The following UBE2R2 variants were observed in gnomAD, a reference collection of about 807,000 sequenced individuals.
UBE2R2 encodes ubiquitin conjugating enzyme E2 R2.
UBE2R2 carries 1 observed loss-of-function variant against 27.8 expected under a neutral mutation model. That is an observed-to-expected ratio of 0.04 (90% CI 0.01 to 0.17). UBE2R2 has a LOEUF of 0.17. UBE2R2 is among the 10% of genes least tolerant of loss of function. The pLI, the probability that UBE2R2 is intolerant of heterozygous loss-of-function variation, is 1.00. For missense variants in UBE2R2, 100 were observed against 291.0 expected (o/e 0.34, Z 4.78); for synonymous variants, 106 against 113.3 (o/e 0.94, Z 0.41).
intron 1 of UBE2R2, among the ~76,000 whole-genome samples, chr9:33,877,367 A>G (rs1821628589): frequency 6.6e-6 from 1 of 151,828 alleles, no homozygotes. Flanking sequence ...TGTTTTTAGT[A>G]GAGATGGGGT....
intron 1 of UBE2R2, among the ~76,000 whole-genome samples, chr9:33,848,143 T>G (rs1019756562): frequency 1.3e-5 from 2 of 152,208 alleles, no homozygotes; most frequent in Non-Finnish European, 2.9e-5. Context: ...CAGGTTTAAA[T>G]TTTTAAAATA....
At chr9:33,824,345 A>G (rs1282495537) in intron 1 of UBE2R2, among the ~76,000 whole-genome samples, 2 of 150,704 alleles carry the variant, frequency 1.3e-5, no homozygotes, top group African/African-American at 4.9e-5. Flanking sequence ...TACACAAATT[A>G]GCTGGTGTGG....
At position 33,886,864 on chromosome 9, in the gene UBE2R2, A is replaced by AT. The variant is rs770387182; in HGVS notation, c.178-9dup. 13 of 1,564,680 alleles carry AT rather than the reference A, an allele frequency of 8.3e-6. No homozygotes were observed. Among genetic ancestry groups the AT allele is most frequent in the South Asian group, 2.4e-5 (2 of 83,774 alleles). On this transcript the variant is annotated splice_polypyrimidine_tract_variant and intron_variant, in intron 1 of 4. Coordinates refer to ENST00000263228, the MANE Select transcript of UBE2R2 (RefSeq NM_017811.4). ...TTATAGTCTCATTTATTAGCATTTC[A>AT]TTTTTTTTCTTTTCAGGCGCATATT...
Position 33,827,854 on chromosome 9 carries a change from T to C in UBE2R2, c.177+9920T>C, listed in dbSNP as rs1175048817. The stretch of plus-strand genomic sequence containing the variant: ...GGCATGGTGGCACATGCCTGTAATC[T>C]CAGCTACTCAAGAGGCTGAGGCGGG... On this transcript the variant is annotated intron_variant, in intron 1 of 4. Transcript: ENST00000263228. Among the ~76,000 whole-genome samples, 14 of 149,294 alleles carry C rather than the reference T, an allele frequency of 9.4e-5. No individual in the cohort carries two copies. The Admixed American group carries it at 9.4e-4, about 10-fold the overall frequency.
intron 1 of UBE2R2, among the ~76,000 whole-genome samples, chr9:33,819,596 C>G (rs981636109): frequency 6.6e-6 from 1 of 151,794 alleles, no homozygotes; most frequent in Non-Finnish European, 1.5e-5. Context: ...AATTTTTATG[C>G]ATACTGGAAA....
At chr9:33,820,364 T>A (rs752999454) in intron 1 of UBE2R2, among the ~76,000 whole-genome samples, 7 of 152,232 alleles carry the variant, frequency 4.6e-5, no homozygotes, top group Non-Finnish European at 1.0e-4. Context: ...AATTCTGACA[T>A]GTATGAAAAT....
chr9:33,862,346 C>T (rs980820165), intron 1 of UBE2R2, among the ~76,000 whole-genome samples: 1 of 152,148 alleles, frequency 6.6e-6, no homozygotes, highest in Non-Finnish European at 1.5e-5. Context: ...ATATCCAGAA[C>T]TTCTTTCGTT....
intron 1 of UBE2R2, among the ~76,000 whole-genome samples, chr9:33,872,118 G>A (rs1272421530): frequency 6.6e-6 from 1 of 151,866 alleles, no homozygotes; most frequent in Non-Finnish European, 1.5e-5. Flanking sequence ...TGGGCATGGT[G>A]GCTCAAGCTG....
At chr9:33,863,643 A>T (rs1170547837) in intron 1 of UBE2R2, among the ~76,000 whole-genome samples, 2 of 152,154 alleles carry the variant, frequency 1.3e-5, no homozygotes, top group Non-Finnish European at 2.9e-5. Context: ...ACTTATATTA[A>T]GGACATTCTA....
At chr9:33,818,071 C>T (rs1825856035) in intron 1 of UBE2R2, 137 bp downstream of exon 1, 1 of 1,005,254 alleles carries the variant, frequency 9.9e-7, no homozygotes, top group East Asian at 3.4e-5. Flanking sequence ...CCCCCTCCCC[C>T]ATCCCTGGAG....
At chr9:33,855,465 T>G (rs1311673650) in intron 1 of UBE2R2, among the ~76,000 whole-genome samples, 4 of 152,220 alleles carry the variant, frequency 2.6e-5, no homozygotes, top group Non-Finnish European at 5.9e-5. Flanking sequence ...GTTCATGAGT[T>G]TGTTTTTCCT....
chr9:33,887,084 T>A, intron 2 of UBE2R2, 117 bp downstream of exon 2: 2 of 824,212 alleles, frequency 2.4e-6, no homozygotes, highest in Non-Finnish European at 3.8e-6. Flanking sequence ...AGAGAAATAT[T>A]AATGATTTTG....
intron 1 of UBE2R2, among the ~76,000 whole-genome samples, chr9:33,848,390 A>G (rs182498379): frequency 5.3e-5 from 8 of 152,216 alleles, no homozygotes; most frequent in Admixed American, 3.9e-4. Context: ...GACTTTGCAT[A>G]CAAAATAATC....
intron 1 of UBE2R2, among the ~76,000 whole-genome samples, chr9:33,822,157 T>A (rs1010199546): frequency 6.6e-6 from 1 of 151,162 alleles, no homozygotes; most frequent in African/African-American, 2.4e-5. Context: ...AGTGGAGCGA[T>A]CTCGGCTCAC....
chr9:33,913,650 G>A (rs1316564303), intron 4 of UBE2R2, among the ~76,000 whole-genome samples: 3 of 152,198 alleles, frequency 2.0e-5, no homozygotes, highest in African/African-American at 2.4e-5. Flanking sequence ...AGTTGACTAA[G>A]CATTGGCATT....
At chr9:33,822,727 A>G (rs1432612051) in intron 1 of UBE2R2, among the ~76,000 whole-genome samples, 1 of 149,306 alleles carries the variant, frequency 6.7e-6, no homozygotes, top group Non-Finnish European at 1.5e-5. Flanking sequence ...ACCCAGCCAA[A>G]TAATTTTTTT....
chr9:33,857,662 T>TTTAGTTA (rs1821139577), intron 1 of UBE2R2, among the ~76,000 whole-genome samples: 4 of 152,244 alleles, frequency 2.6e-5, no homozygotes, highest in Non-Finnish European at 4.4e-5. Context: ...TGATAAACTA[T>TTTAGTTA]ACTTGAAAGT....
At chr9:33,912,244 C>A in intron 4 of UBE2R2, 146 bp downstream of exon 4, 1 of 766,990 alleles carries the variant, frequency 1.3e-6, no homozygotes, top group African/African-American at 1.8e-5. Context: ...AAGATTTCTG[C>A]CTGAGCCTAA....
At chr9:33,827,399 G>A (rs1323523740) in intron 1 of UBE2R2, among the ~76,000 whole-genome samples, 1 of 152,212 alleles carries the variant, frequency 6.6e-6, no homozygotes, top group Non-Finnish European at 1.5e-5. Context: ...CCAGCACTTT[G>A]GGATGCCAAA....
Sources: allele counts gnomAD v4.1 joint callset (sites outside exome capture counted in the v4.1 genomes callset), GRCh38; gene constraint gnomAD v4.1.1; transcripts MANE v1.5; gene names NCBI Gene and HGNC (gene_info 2026-07-23, HGNC 2026-07-21).